LHX9: variants seen among roughly 807,000 people sequenced by gnomAD.
LHX9 encodes LIM homeobox 9, also known as LIM/homeobox protein Lhx9.
In LHX9, 9 loss-of-function variants were observed where a neutral mutation model predicts 36.5. That is an observed-to-expected ratio of 0.25 (90% CI 0.15 to 0.43). The LOEUF is 0.43. Among genes scored for constraint, LHX9 ranks in the 20% least tolerant of loss-of-function variants. The pLI is 1.00. For missense variants in LHX9, 464 were observed against 526.4 expected (o/e 0.88, Z 1.16); for synonymous variants, 211 against 212.1 (o/e 0.99, Z 0.04).
chr1:197,912,954 C>G (rs769162431), upstream of LHX9: 24 of 266,034 alleles, frequency 9.0e-5, no homozygotes, highest in Non-Finnish European at 1.5e-4. Context: ...GACACTGTTT[C>G]TCACACGTGT....
chr1:197,920,322 C>T (rs531656223), intron 2 of LHX9, 148 bp downstream of exon 2: 118 of 522,396 alleles, frequency 2.3e-4, no homozygotes, highest in African/African-American at 2.1e-3. Context: ...ACTGCATATG[C>T]CTTCAAGCTG....
Position 197,931,049 on chromosome 1 carries a change from A to G in LHX9, c.*1790A>G, listed in dbSNP as rs2102604910. ...GGTACTATATAGATCTACTTTATTA[A>G]GTAGACTAATTATAACTCAGTTCTC... On this transcript the variant is annotated 3_prime_UTR_variant, in exon 5 of 5. Coordinates refer to ENST00000367387, the MANE Select transcript of LHX9 (RefSeq NM_020204.3). 1 of 152,120 alleles carries G rather than the reference A, an allele frequency of 6.6e-6. No homozygotes were observed. Among genetic ancestry groups the G allele is most frequent in the East Asian group, 1.9e-4 (1 of 5,186 alleles). The allele number at this position is 152,120 out of a possible 1,614,324, so 9.4% of individuals were successfully genotyped here.
chr1:197,917,529 G>C lies in LHX9; in HGVS notation c.-295G>C, dbSNP rs1659803923. On this transcript the variant is annotated 5_prime_UTR_variant, in exon 1 of 5. Transcript: ENST00000367387. ...TGCAGTTGTTTCCCATTAGTAACTC[G>C]ATCTCTCAGAGCAGTAAGATTCGCC... The C allele has an allele frequency of 4.9e-6, 7 of 1,429,446 alleles. No individual in the cohort carries two copies. Among genetic ancestry groups the C allele is most frequent in the Admixed American group, 2.1e-5 (1 of 47,008 alleles). 88.5% of individuals were successfully genotyped at this position (1,429,446 alleles called of 1,614,324 possible).
At chr1:197,912,488 G>A (rs769055563), upstream of LHX9, 1 of 1,612,434 alleles carries the variant, frequency 6.2e-7, no homozygotes, top group Non-Finnish European at 8.5e-7. Flanking sequence ...TTCTCTGCCA[G>A]TGCAACCACC....
Sources: gnomAD v4.1 joint callset for allele counts on GRCh38, gnomAD v4.1.1 for gene constraint, MANE v1.5 for transcripts, NCBI Gene and HGNC (gene_info 2026-07-23, HGNC 2026-07-21) for gene names.